The following POLD1 variants were observed in gnomAD, a reference collection of about 807,000 sequenced individuals.
POLD1 encodes the protein DNA polymerase delta catalytic subunit.
A neutral mutation model predicts 129.7 loss-of-function variants in POLD1; 79 were observed. The observed-to-expected ratio is 0.61, with a 90% CI of 0.51 to 0.73. The LOEUF is 0.73. Among genes scored for constraint, POLD1 ranks in the 30% least tolerant of loss-of-function variants. POLD1 has a pLI of 0.00. For synonymous variants in POLD1, 714 were observed against 683.3 expected (o/e 1.04, Z -0.70); for missense variants, 1,338 against 1,595.8 (o/e 0.84, Z 2.75).
rs1488506112 is a variant in POLD1, at chr19:50,389,332, G to A, written c.-2+4942G>A. Reference sequence around the variant, plus strand: ...AGACAGGGTGTCACCATGTTGCCTAGGCTGATCTCAAACTCCTGGGTTCAA... The same window carrying A: ...AGACAGGGTGTCACCATGTTGCCTAAGCTGATCTCAAACTCCTGGGTTCAA... On this transcript the variant is annotated intron_variant, in intron 1 of 26. Transcript: ENST00000440232. Among the ~76,000 whole-genome samples the A allele has an allele frequency of 2.0e-5, 3 of 151,626 alleles. No homozygotes were observed. The East Asian group carries it at 5.8e-4, about 30-fold the overall frequency.
At chr19:50,413,321 C>T (rs2039151918) in intron 17 of POLD1, 105 bp from the exon 18 acceptor site, 5 of 901,226 alleles carry the variant, frequency 5.5e-6, no homozygotes, top group African/African-American at 1.6e-5. Context: ...TGTACATAAG[C>T]CTATGCCACT....
rs756245865 is a variant in POLD1, at chr19:50,409,272, T to C, written c.2006+37T>C. On this transcript the variant is annotated intron_variant, in intron 16 of 26. Coordinates refer to ENST00000440232, the MANE Select transcript of POLD1 (RefSeq NM_002691.4). The surrounding 1 kb of genome is among the most constrained non-coding windows in gnomAD (Gnocchi z 5.8). ...AGATCGCCTGCTTGGAGCTCAGACCTGTTGGGGCCTCTGGGCAATCCCTGT... is the reference window on the plus strand; with the variant it reads ...AGATCGCCTGCTTGGAGCTCAGACCCGTTGGGGCCTCTGGGCAATCCCTGT... 2.3e-5 allele frequency: 33 copies of C among 1,440,264 alleles called. No individual in the cohort carries two copies. Among genetic ancestry groups the C allele is most frequent in the Non-Finnish European group, 3.2e-5 (33 of 1,024,552 alleles). 89.2% of individuals were successfully genotyped at this position (1,440,264 alleles called of 1,614,324 possible). A position where few individuals can be genotyped will look rare whatever the true frequency, so the allele number is the denominator to read the frequency against.
At chr19:50,413,569 G>A (rs1237557002) in intron 18 of POLD1, 48 bp downstream of exon 18, 1 of 1,561,128 alleles carries the variant, frequency 6.4e-7, no homozygotes, top group East Asian at 2.3e-5. Context: ...GGGCAGGTGG[G>A]GGGATGGAAG....
intron 1 of POLD1, among the ~76,000 whole-genome samples, chr19:50,391,110 A>AGATGGGGTCGCGGCCG (rs1568606946): frequency 3.6e-5 from 5 of 137,650 alleles, no homozygotes; most frequent in African/African-American, 1.6e-4. Context: ...GGTGGCGGCC[A>AGATGGGGTCGCGGCCG]GGCAGAGGCG....
chr19:50,385,191 A>C (rs1488078884), intron 1 of POLD1, among the ~76,000 whole-genome samples: 1 of 152,192 alleles, frequency 6.6e-6, no homozygotes, highest in African/African-American at 2.4e-5. Context: ...TAGCAGGAAT[A>C]AGAATGGAAG....
At chr19:50,403,031 C>G (rs2038719297) in intron 8 of POLD1, 22 bp from the exon 9 acceptor site, 2 of 1,552,402 alleles carry the variant, frequency 1.3e-6, no homozygotes, top group South Asian at 2.4e-5. Flanking sequence ...GAGTCAGGCC[C>G]CTGCATCCTC....
intron 15 of POLD1, 26 bp downstream of exon 15, chr19:50,408,927 C>G (rs202216060): frequency 1.3e-6 from 2 of 1,587,398 alleles, no homozygotes; most frequent in East Asian, 2.2e-5. Context: ...CAGCATGTGT[C>G]CCCCGAGGCC....
At chr19:50,392,288 G>A (rs1007359517) in intron 1 of POLD1, among the ~76,000 whole-genome samples, 1 of 151,862 alleles carries the variant, frequency 6.6e-6, no homozygotes, top group Non-Finnish European at 1.5e-5. Context: ...TGTAGAAATG[G>A]AGTCTCACCA....
chr19:50,385,291 T>C (rs1488681302), intron 1 of POLD1, among the ~76,000 whole-genome samples: 1 of 152,074 alleles, frequency 6.6e-6, no homozygotes, highest in Non-Finnish European at 1.5e-5. Context: ...GACTGGCTGA[T>C]GGACTGGGCG....
intron 1 of POLD1, among the ~76,000 whole-genome samples, chr19:50,387,343 A>G (rs960942090): frequency 3.3e-5 from 5 of 152,184 alleles, no homozygotes; most frequent in African/African-American, 7.2e-5. Flanking sequence ...CATTGAGGAA[A>G]TGAGTGTCTC....
chr19:50,392,756 CG>C (rs1369630690), intron 1 of POLD1, among the ~76,000 whole-genome samples: 2 of 152,146 alleles, frequency 1.3e-5, no homozygotes, highest in African/African-American at 4.8e-5. Flanking sequence ...GGATTACAGG[CG>C]TGAGCCACTG....
chr19:50,403,566 C>T lies in POLD1; in HGVS notation c.1211C>T (p.Pro404Leu), dbSNP rs1260247042. ...TACAACATCCAGAACTTCGACCTTC[C>T]GTACCTCATCTCTCGGGCCCAGACC... ...TGYNIQNFDL[P>L]YLISRAQTLK... Residue 404 changes from proline to leucine, a missense_variant, in exon 10 of 27, where the codon CCG (proline) becomes CTG (leucine). Coordinates refer to ENST00000440232, the MANE Select transcript of POLD1 (RefSeq NM_002691.4). 14 of 1,613,410 alleles carry T rather than the reference C, an allele frequency of 8.7e-6. No individual in the cohort carries two copies. The highest frequency in any genetic ancestry group is 3.3e-5 in the Admixed American group (2 of 59,996).
In POLD1 at chr19:50,403,575, T is replaced by A; in HGVS notation, c.1220T>A (p.Ile407Asn). 2 of 1,612,892 alleles carry A rather than the reference T, an allele frequency of 1.2e-6. No individual in the cohort carries two copies. Among genetic ancestry groups the A allele is most frequent in the Non-Finnish European group, 1.7e-6 (2 of 1,178,934 alleles). Residue 407 changes from isoleucine (I) to asparagine (N), a missense_variant, in exon 10 of 27, where the codon ATC becomes AAC. By Grantham distance (149) the Ile-to-Asn change is moderately radical. Coordinates refer to ENST00000440232, the MANE Select transcript of POLD1 (RefSeq NM_002691.4). ...NIQNFDLPYL[I>N]SRAQTLKVQT... ...CAGAACTTCGACCTTCCGTACCTCA[T>A]CTCTCGGGCCCAGACCCTCAAGGTG...
rs71182715 is a variant in POLD1, at chr19:50,400,133, A to ATTTTTTTTTTTT, written c.316+666_316+677dup. ...CCAGCCCAATTTGACTTTTTAAAAG[A>ATTTTTTTTTTTT]TTTTTTTTTTTTTTTTTTTTTTTTT... is the stretch of plus-strand genomic sequence containing the variant. On this transcript the variant is annotated intron_variant, in intron 3 of 26. Transcript: ENST00000440232. Among the ~76,000 whole-genome samples the ATTTTTTTTTTTT allele has an allele frequency of 3.1e-3, 151 of 48,142 alleles. 5 individuals are homozygous for ATTTTTTTTTTTT. Among genetic ancestry groups the ATTTTTTTTTTTT allele is most frequent in the Middle Eastern group, 0.02 (1 of 50 alleles). The allele number at this position is 48,142 out of a possible 152,430, so 31.6% of individuals were successfully genotyped here. A position where few individuals can be genotyped will look rare whatever the true frequency, so the allele number is the denominator to read the frequency against.
chr19:50,397,699 G>A lies in POLD1; in HGVS notation c.-1-1152G>A, dbSNP rs578012195. ...ATTACAGGCGTGAGCCATCACACCCGGCCCTGATTATGTCTTTAAAAGAAA... is the reference window on the plus strand; with the variant it reads ...ATTACAGGCGTGAGCCATCACACCCAGCCCTGATTATGTCTTTAAAAGAAA... On this transcript the variant is annotated intron_variant, in intron 1 of 26. Coordinates refer to ENST00000440232, the MANE Select transcript of POLD1 (RefSeq NM_002691.4). Among the ~76,000 whole-genome samples the A allele has an allele frequency of 3.8e-3, 580 of 152,200 alleles. 3 individuals are homozygous for A. Among genetic ancestry groups the A allele is most frequent in the African/African-American group, 0.013 (550 of 41,534 alleles).
At chr19:50,415,347 C>T in intron 20 of POLD1, 91 bp from the exon 21 acceptor site, 1 of 1,319,908 alleles carries the variant, frequency 7.6e-7, no homozygotes, top group Non-Finnish European at 1.1e-6. Flanking sequence ...GCCCTAAGAG[C>T]TCATCCTGGT....
Position 50,401,931 on chromosome 19 carries a change from G to A in POLD1, c.463+7G>A, listed in dbSNP as rs2122235425. Reference sequence around the variant, plus strand: ...TACACCCCAGCGCCCCCTGGTGAGTGGCCCCTACCCAGCCCCTCCCTGAGC... The same window carrying A: ...TACACCCCAGCGCCCCCTGGTGAGTAGCCCCTACCCAGCCCCTCCCTGAGC... On this transcript the variant is annotated splice_region_variant and intron_variant, in intron 4 of 26. Transcript: ENST00000440232. 4 of 1,614,048 alleles carry A rather than the reference G, an allele frequency of 2.5e-6. No homozygotes were observed. The highest frequency in any genetic ancestry group is 3.4e-6 in the Non-Finnish European group (4 of 1,179,962).
intron 1 of POLD1, among the ~76,000 whole-genome samples, chr19:50,389,551 T>A (rs1447741170): frequency 6.6e-6 from 1 of 152,128 alleles, no homozygotes; most frequent in Non-Finnish European, 1.5e-5. Context: ...CTGCCACGTG[T>A]CCCTGTAATA....
chr19:50,399,529 G>A, intron 3 of POLD1, 45 bp downstream of exon 3: 1 of 1,439,994 alleles, frequency 6.9e-7, no homozygotes, highest in Non-Finnish European at 9.8e-7. Flanking sequence ...CTGCGCTCCT[G>A]GGGCAGAGGC....
Sources: allele counts gnomAD v4.1 joint callset (sites outside exome capture counted in the v4.1 genomes callset), GRCh38; gene constraint gnomAD v4.1.1; non-coding constraint Gnocchi (gnomAD v3.1); transcripts MANE v1.5; gene names NCBI Gene and HGNC (gene_info 2026-07-23, HGNC 2026-07-21).